The following MACROD2 variants were observed in gnomAD, a reference collection of about 807,000 sequenced individuals.
MACROD2 encodes ADP-ribose glycohydrolase MACROD2.
Under a neutral mutation model 70.4 loss-of-function variants are expected in MACROD2, and 36 were observed. The ratio of observed to expected loss-of-function variants is 0.51; its 90% CI spans 0.39 to 0.68. MACROD2 has a LOEUF of 0.68. Among genes scored for constraint, MACROD2 ranks in the 30% least tolerant of loss-of-function variants. MACROD2 has a pLI of 0.00. For missense variants in MACROD2, 496 were observed against 538.4 expected, an observed-to-expected ratio of 0.92 and a Z score of 0.78; for synonymous variants, 172 against 178.8, an observed-to-expected ratio of 0.96 and a Z score of 0.30.
chr20:15,206,128 G>A (rs530120989), intron 5 of MACROD2, among the ~76,000 whole-genome samples: 6 of 152,216 alleles, frequency 3.9e-5, no homozygotes, highest in Non-Finnish European at 7.4e-5. Flanking sequence ...CAGATCAAAT[G>A]TTTGGTTCTT....
intron 6 of MACROD2, among the ~76,000 whole-genome samples, chr20:15,406,085 C>G (rs559142986): frequency 2.0e-5 from 3 of 152,274 alleles, no homozygotes; most frequent in African/African-American, 7.2e-5. Flanking sequence ...TCCCCTCTGG[C>G]CTTGACAGGT....
chr20:15,809,861 C>CTTTT (rs56350068), intron 8 of MACROD2, among the ~76,000 whole-genome samples: 3,965 of 141,948 alleles, frequency 0.028, 165 homozygotes, highest in African/African-American at 0.088. Context: ...GCCACCCTAT[C>CTTTT]TTTTTTTTTT....
At chr20:15,566,203 G>C (rs2048307763) in intron 8 of MACROD2, among the ~76,000 whole-genome samples, 1 of 152,114 alleles carries the variant, frequency 6.6e-6, no homozygotes, top group South Asian at 2.1e-4. Flanking sequence ...ATCCCCAGAG[G>C]CTGGGCACGG....
intron 4 of MACROD2, chr20:14,627,085 C>T (rs1429952953): frequency 6.6e-6 from 1 of 152,140 alleles, no homozygotes; most frequent in African/African-American, 2.4e-5. Flanking sequence ...GACTAGAATC[C>T]TCGAGGACCT....
At chr20:15,529,246 T>G (rs1308501165) in intron 8 of MACROD2, among the ~76,000 whole-genome samples, 1 of 152,110 alleles carries the variant, frequency 6.6e-6, no homozygotes, top group East Asian at 1.9e-4. Flanking sequence ...AGCATTTTTC[T>G]TCTAAATATG....
chr20:14,570,385 A>G (rs1980108511), intron 4 of MACROD2, among the ~76,000 whole-genome samples: 1 of 151,894 alleles, frequency 6.6e-6, no homozygotes, highest in African/African-American at 2.4e-5. Context: ...GACCTTCTTG[A>G]GTGCTGGTGG....
intron 8 of MACROD2, among the ~76,000 whole-genome samples, chr20:15,687,605 C>T (rs1370882194): frequency 1.3e-5 from 2 of 152,084 alleles, no homozygotes; most frequent in African/African-American, 4.8e-5. Flanking sequence ...CTCAGGTTGG[C>T]CAGTGCTCCC....
intron 4 of MACROD2, among the ~76,000 whole-genome samples, chr20:14,556,862 A>G (rs1979068069): frequency 6.6e-6 from 1 of 151,994 alleles, no homozygotes; most frequent in African/African-American, 2.4e-5. Context: ...AATAAACCCA[A>G]TTTTATTACT....
chr20:14,935,549 T>C (rs1393626482), intron 5 of MACROD2, among the ~76,000 whole-genome samples: 1 of 152,208 alleles, frequency 6.6e-6, no homozygotes, highest in African/African-American at 2.4e-5. Context: ...ACAAGGCATG[T>C]GCTGGACACC....
At chr20:15,154,305 G>T (rs545412270) in intron 5 of MACROD2, among the ~76,000 whole-genome samples, 1 of 152,324 alleles carries the variant, frequency 6.6e-6, no homozygotes, top group South Asian at 2.1e-4. Flanking sequence ...CCTTTCCACA[G>T]ATTTTCCAGT....
intron 6 of MACROD2, among the ~76,000 whole-genome samples, chr20:15,305,672 T>TGTGC (rs1056005697): frequency 3.3e-5 from 5 of 151,892 alleles, no homozygotes; most frequent in Non-Finnish European, 5.9e-5. Context: ...TGTGTGTGTG[T>TGTGC]GCGCGCACAC....
chr20:15,095,615 T>C (rs2075825309), intron 5 of MACROD2, among the ~76,000 whole-genome samples: 1 of 151,996 alleles, frequency 6.6e-6, no homozygotes, highest in African/African-American at 2.4e-5. Context: ...CCTCCCGGGT[T>C]CACGCCATTC....
intron 8 of MACROD2, among the ~76,000 whole-genome samples, chr20:15,642,901 A>T (rs1335760905): frequency 6.6e-6 from 1 of 152,148 alleles, no homozygotes; most frequent in Non-Finnish European, 1.5e-5. Flanking sequence ...GATTACTTGC[A>T]TGCCAACTCA....
At chr20:14,322,807 A>T (rs1405817974) in intron 3 of MACROD2, among the ~76,000 whole-genome samples, 1 of 152,184 alleles carries the variant, frequency 6.6e-6, no homozygotes, top group African/African-American at 2.4e-5. Flanking sequence ...GTAGAAGATT[A>T]TACAGTTTCC....
chr20:14,761,970 T>C (rs1384618770), intron 5 of MACROD2, among the ~76,000 whole-genome samples: 1 of 152,124 alleles, frequency 6.6e-6, no homozygotes, highest in Non-Finnish European at 1.5e-5. Flanking sequence ...CCAATTCTTT[T>C]CCCATTCCAT....
chr20:15,535,028 T>C (rs539482296), intron 8 of MACROD2, among the ~76,000 whole-genome samples: 2 of 152,304 alleles, frequency 1.3e-5, no homozygotes, highest in Admixed American at 1.3e-4. Flanking sequence ...CAGGCTGAAA[T>C]ACAGTGGTGT....
intron 8 of MACROD2, among the ~76,000 whole-genome samples, chr20:15,669,038 G>A (rs2049941635): frequency 1.3e-5 from 2 of 152,170 alleles, no homozygotes; most frequent in African/African-American, 4.8e-5. Context: ...AGAAACTAGA[G>A]CATTTAGAGC....
At chr20:15,269,678 T>C (rs75800278) in intron 6 of MACROD2, among the ~76,000 whole-genome samples, 3,124 of 152,268 alleles carry the variant, frequency 0.021, 93 homozygotes, top group East Asian at 0.059. Context: ...GTCATTATAA[T>C]TACTGAGGAC....
At chr20:14,467,194 T>C (rs1028565765) in intron 3 of MACROD2, among the ~76,000 whole-genome samples, 2 of 152,160 alleles carry the variant, frequency 1.3e-5, no homozygotes, top group African/African-American at 4.8e-5. Flanking sequence ...CAGTTCGAGC[T>C]TCCTGGCTGC....
Sources: allele counts gnomAD v4.1 joint callset (sites outside exome capture counted in the v4.1 genomes callset), GRCh38; gene constraint gnomAD v4.1.1; transcripts MANE v1.5; gene names NCBI Gene and HGNC (gene_info 2026-07-23, HGNC 2026-07-21).